Variants in TRDN observed in about 807,000 individuals in gnomAD.
TRDN encodes the protein triadin.
TRDN carries 161 observed loss-of-function variants against 149.7 expected under a neutral mutation model. The observed-to-expected ratio is 1.08, with a 90% CI of 0.95 to 1.23. The LOEUF (loss-of-function observed/expected upper bound fraction) is 1.23, where lower values mean the gene tolerates loss of function less well. TRDN is among the 50% of genes most tolerant of loss of function. The pLI, the probability that TRDN is intolerant of heterozygous loss-of-function variation, is 0.00. For missense variants in TRDN, 896 were observed against 823.5 expected (o/e 1.09, Z -1.08); for synonymous variants, 294 against 250.5 (o/e 1.17, Z -1.64).
chr6:123,504,022 TTTATG>T (rs1221064044), intron 7 of TRDN, 121 bp from the exon 8 acceptor site: 2 of 1,100,978 alleles, frequency 1.8e-6, no homozygotes, highest in African/African-American at 1.6e-5. Context: ...GTCACAAGTG[TTTATG>T]TTAAGAACAG....
chr6:123,620,233 G>GAAT (rs1471576206), intron 1 of TRDN, among the ~76,000 whole-genome samples: 1 of 152,140 alleles, frequency 6.6e-6, no homozygotes, highest in African/African-American at 2.4e-5. Context: ...ACGTGTGTCA[G>GAAT]AATGATCTAA....
intron 21 of TRDN, among the ~76,000 whole-genome samples, chr6:123,344,309 G>T (rs567626365): frequency 6.6e-6 from 1 of 152,044 alleles, no homozygotes; most frequent in Non-Finnish European, 1.5e-5. Context: ...TTACATTAGG[G>T]TTCAATCTTA....
intron 27 of TRDN, among the ~76,000 whole-genome samples, chr6:123,274,376 A>T (rs1047697661): frequency 3.3e-5 from 5 of 152,156 alleles, no homozygotes; most frequent in African/African-American, 1.2e-4. Context: ...TTAATTTCAT[A>T]AAAACCTTAG....
chr6:123,455,622 T>A (rs1009137435), intron 10 of TRDN, among the ~76,000 whole-genome samples: 4 of 152,218 alleles, frequency 2.6e-5, no homozygotes, highest in African/African-American at 9.6e-5. Flanking sequence ...TTTAGATAAC[T>A]CCATAAATTA....
chr6:123,283,933 C>A (rs1179254768), intron 24 of TRDN, among the ~76,000 whole-genome samples: 1 of 129,320 alleles, frequency 7.7e-6, no homozygotes, highest in East Asian at 2.4e-4. Context: ...TTTTTTATTA[C>A]CATTTCAGTC....
intron 25 of TRDN, among the ~76,000 whole-genome samples, chr6:123,278,734 C>G (rs1471368792): frequency 6.6e-6 from 1 of 152,126 alleles, no homozygotes; most frequent in Non-Finnish European, 1.5e-5. Context: ...CACACCACTG[C>G]CCACTGCCTG....
intron 2 of TRDN, among the ~76,000 whole-genome samples, chr6:123,550,539 T>C (rs1706920897): frequency 6.6e-6 from 1 of 152,120 alleles, no homozygotes; most frequent in South Asian, 2.1e-4. Context: ...GCAGTGAGTA[T>C]ATTTTTATGC....
chr6:123,236,504 A>G (rs964520064), intron 38 of TRDN, among the ~76,000 whole-genome samples: 3 of 152,102 alleles, frequency 2.0e-5, no homozygotes, highest in Non-Finnish European at 4.4e-5. Flanking sequence ...TTTTGGTGTC[A>G]TGTCTTGTAA....
intron 2 of TRDN, among the ~76,000 whole-genome samples, 157 bp downstream of exon 2, chr6:123,570,766 G>A (rs1782531329): frequency 6.6e-6 from 1 of 152,070 alleles, no homozygotes; most frequent in South Asian, 2.1e-4. Flanking sequence ...AGGAAAAAGG[G>A]AAGAATGAAA....
intron 12 of TRDN, among the ~76,000 whole-genome samples, chr6:123,405,013 T>C (rs2114496094): frequency 6.6e-6 from 1 of 152,218 alleles, no homozygotes; most frequent in East Asian, 1.9e-4. Flanking sequence ...ATAATATTAA[T>C]ACAAGCTAAG....
chr6:123,370,457 T>C (rs867992663), intron 19 of TRDN, among the ~76,000 whole-genome samples: 1 of 152,202 alleles, frequency 6.6e-6, no homozygotes, highest in African/African-American at 2.4e-5. Context: ...AGCATTCCAA[T>C]GTTTGGTCTA....
chr6:123,627,122 G>T (rs1785715812), intron 1 of TRDN, among the ~76,000 whole-genome samples: 1 of 151,942 alleles, frequency 6.6e-6, no homozygotes, highest in African/African-American at 2.4e-5. Flanking sequence ...TACAGGCAGG[G>T]TTTCACCACA....
Position 123,593,665 on chromosome 6 carries a change from T to C in TRDN, c.23-22533A>G, listed in dbSNP as rs532593073. On this transcript the variant is annotated intron_variant, in intron 1 of 40. Coordinates refer to ENST00000334268, the MANE Select transcript of TRDN (RefSeq NM_006073.4). The stretch of plus-strand genomic sequence containing the variant: ...TCTGTCTCCAAATTTCCCCTTTCCA[T>C]AAGGATACCAGTTATAATGGATTGG... 2.0e-5 allele frequency among the ~76,000 whole-genome samples: 3 copies of C among 152,294 alleles called. No homozygotes were observed. In the South Asian group the frequency reaches 6.2e-4, roughly 32 times the overall value.
intron 20 of TRDN, among the ~76,000 whole-genome samples, chr6:123,357,649 A>G (rs1400499166): frequency 6.6e-6 from 1 of 152,202 alleles, no homozygotes; most frequent in East Asian, 1.9e-4. Flanking sequence ...TAACTATAAT[A>G]GAGCCACACA....
chr6:123,564,056 A>C (rs73539128), intron 2 of TRDN, among the ~76,000 whole-genome samples: 5,338 of 152,308 alleles, frequency 0.035, 309 homozygotes, highest in African/African-American at 0.12. Flanking sequence ...AAAAATGAAT[A>C]CTTTTTTTCT....
At chr6:123,331,833 CA>C in intron 23 of TRDN, 45 bp downstream of exon 23, 1 of 1,314,504 alleles carries the variant, frequency 7.6e-7, no homozygotes, top group Non-Finnish European at 1.0e-6. Flanking sequence ...ACTGAATATG[CA>C]AAAGGCAGAT....
At chr6:123,298,610 G>A (rs1054572618) in intron 24 of TRDN, among the ~76,000 whole-genome samples, 3 of 152,070 alleles carry the variant, frequency 2.0e-5, no homozygotes, top group Non-Finnish European at 4.4e-5. Flanking sequence ...CTTAGCACTT[G>A]TGCATTGTCA....
At chr6:123,265,670 T>G (rs1414973838) in intron 32 of TRDN, among the ~76,000 whole-genome samples, 2 of 126,622 alleles carry the variant, frequency 1.6e-5, no homozygotes, top group African/African-American at 3.1e-5. Flanking sequence ...AAATATATAT[T>G]CTGCCACAGT....
At chr6:123,400,391 G>C (rs1224186512) in intron 12 of TRDN, among the ~76,000 whole-genome samples, 3 of 151,872 alleles carry the variant, frequency 2.0e-5, no homozygotes, top group Admixed American at 6.6e-5. Context: ...TGGGGGATGG[G>C]GGTAATGGGG....
Sources: allele counts gnomAD v4.1 joint callset (sites outside exome capture counted in the v4.1 genomes callset), GRCh38; gene constraint gnomAD v4.1.1; transcripts MANE v1.5; gene names NCBI Gene and HGNC (gene_info 2026-07-23, HGNC 2026-07-21).